ROCK2: variants seen among roughly 807,000 people sequenced by gnomAD.
ROCK2 encodes the protein Rho associated coiled-coil containing protein kinase 2.
ROCK2 carries 61 observed loss-of-function variants against 195.1 expected under a neutral mutation model. The ratio of observed to expected loss-of-function variants is 0.31; its 90% CI spans 0.25 to 0.39. The LOEUF is 0.39. Among genes scored for constraint, ROCK2 ranks in the 10% least tolerant of loss-of-function variants. The pLI is 1.00. For synonymous variants in ROCK2, 504 were observed against 545.5 expected (o/e 0.92, Z 1.06); for missense variants, 1,109 against 1,637.4 (o/e 0.68, Z 5.57).
intron 3 of ROCK2, among the ~76,000 whole-genome samples, chr2:11,283,582 A>AAAAAGGAAGAAAG (rs777307547): frequency 2.0e-4 from 3 of 15,164 alleles, no homozygotes; most frequent in Non-Finnish European, 2.6e-4. Flanking sequence ...AAAAAAAAAA[A>AAAAAGGAAGAAAG]AAAGCAAGAA....
intron 1 of ROCK2, among the ~76,000 whole-genome samples, chr2:11,311,738 T>A (rs1668041032): frequency 6.6e-6 from 1 of 151,738 alleles, no homozygotes; most frequent in African/African-American, 2.4e-5. Flanking sequence ...TAAAATATCA[T>A]AAAATCGAGA....
At chr2:11,267,699 G>A (rs1666466798) in intron 3 of ROCK2, among the ~76,000 whole-genome samples, 1 of 131,250 alleles carries the variant, frequency 7.6e-6, no homozygotes, top group Non-Finnish European at 1.6e-5. Flanking sequence ...CTATCAATAC[G>A]CCTTTTTTTT....
intron 18 of ROCK2, 130 bp from the exon 19 acceptor site, chr2:11,208,577 C>T: frequency 2.3e-6 from 1 of 429,058 alleles, no homozygotes; most frequent in Non-Finnish European, 3.9e-6. Flanking sequence ...GCCTTATATT[C>T]TATTAATTTT....
At position 11,216,180 on chromosome 2, in the gene ROCK2, G is replaced by T; in HGVS notation, c.1439C>A (p.Thr480Lys). 1 of 1,612,552 alleles carries T rather than the reference G, an allele frequency of 6.2e-7. No homozygotes were observed. Among genetic ancestry groups the T allele is most frequent in the Non-Finnish European group, 8.5e-7 (1 of 1,178,756 alleles). ...TACCTCCTCTTCTAGCTCCTTTGCT[G>T]TTTTTTCTAGGCGAGTATTAACAGA... ...CKSVNTRLEK[T>K]AKELEEEITL... The change falls in exon 13 of 33, where the codon ACA becomes AAA. Residue 480 changes from threonine to lysine, a missense_variant. Thr to Lys is a moderately conservative substitution (Grantham distance 78). Around this residue, in one of 6 missense-constraint regions of ROCK2, gnomAD observed 542 missense variants for 672.0 expected, o/e 0.81. Transcript: ENST00000315872.
Position 11,317,591 on chromosome 2 carries a change from TATATATATATATATATATA to T in ROCK2, c.141+26386_141+26404del, listed in dbSNP as rs1243843375. On this transcript the variant is annotated intron_variant, in intron 1 of 32. Transcript: ENST00000315872. ...ATCTACACATTTATATATATATATA[TATATATATATATATATATA>T]TATTTTTTTTTTTTTTTAATTATAC... Among the ~76,000 whole-genome samples, 22 of 13,940 alleles carry T rather than the reference TATATATATATATATATATA, an allele frequency of 1.6e-3. 2 individuals are homozygous for T. The highest frequency in any genetic ancestry group is 4.2e-3 in the African/African-American group (18 of 4,336). The allele number at this position is 13,940 out of a possible 152,430, so 9.1% of individuals were successfully genotyped here.
At chr2:11,339,512 G>A (rs528241807) in intron 1 of ROCK2, among the ~76,000 whole-genome samples, 3 of 144,110 alleles carry the variant, frequency 2.1e-5, no homozygotes, top group African/African-American at 7.7e-5. Context: ...AATGCTCCTA[G>A]CAACACTTTC....
Position 11,198,553 on chromosome 2 carries a change from C to T in ROCK2, c.3037G>A (p.Ala1013Thr), listed in dbSNP as rs372763637. ...TCAAACTGTGCTTTAATAGCTGCTG[C>T]GCTTATTTCTTCATCTTTCAATCTT... ...LSRLKDEEIS[A>T]AAIKAQFEKQ... Residue 1013 changes from alanine to threonine, a missense_variant, in exon 25 of 33, where the codon GCA becomes ACA. By Grantham distance (58) the Ala-to-Thr change is moderately conservative. Transcript: ENST00000315872. 50 of 1,613,124 alleles carry T rather than the reference C, an allele frequency of 3.1e-5. No homozygotes were observed. Among genetic ancestry groups the T allele is most frequent in the East Asian group, 6.7e-5 (3 of 44,788 alleles).
chr2:11,273,453 C>G (rs1666718315), intron 3 of ROCK2, among the ~76,000 whole-genome samples: 1 of 151,918 alleles, frequency 6.6e-6, no homozygotes, highest in Admixed American at 6.5e-5. Context: ...TAAGAAGACA[C>G]AGCAATTACA....
intron 11 of ROCK2, chr2:11,217,391 T>G (rs1181331544): frequency 1.6e-6 from 1 of 615,222 alleles, no homozygotes; most frequent in Non-Finnish European, 3.0e-6. Context: ...TGAAACATAC[T>G]TATGTAACCA....
chr2:11,318,031 G>C (rs752612337), intron 1 of ROCK2, among the ~76,000 whole-genome samples: 6 of 152,006 alleles, frequency 3.9e-5, no homozygotes, highest in Non-Finnish European at 8.8e-5. Context: ...ATTTGGGTTG[G>C]TTCCAAGTCT....
intron 1 of ROCK2, among the ~76,000 whole-genome samples, chr2:11,306,775 C>A (rs1321368523): frequency 1.3e-5 from 2 of 152,166 alleles, no homozygotes; most frequent in African/African-American, 4.8e-5. Context: ...GCTTAGTGAA[C>A]AAACCTATTT....
chr2:11,313,131 A>G (rs1668087004), intron 1 of ROCK2, among the ~76,000 whole-genome samples: 1 of 152,154 alleles, frequency 6.6e-6, no homozygotes, highest in South Asian at 2.1e-4. Flanking sequence ...ACTTCAGTTA[A>G]TAATAATGTA....
At chr2:11,339,156 TTAAA>T (rs1294741419) in intron 1 of ROCK2, among the ~76,000 whole-genome samples, 9 of 152,212 alleles carry the variant, frequency 5.9e-5, no homozygotes, top group South Asian at 4.1e-4. Context: ...CTCTTCTTAA[TTAAA>T]TACATACTGA....
At chr2:11,289,301 A>G (rs746710424) in intron 1 of ROCK2, among the ~76,000 whole-genome samples, 34 of 152,184 alleles carry the variant, frequency 2.2e-4, no homozygotes, top group Non-Finnish European at 1.0e-4. Context: ...CAGCTGGACT[A>G]CTTTTCAAGG....
At chr2:11,320,518 CACT>C (rs35677201) in intron 1 of ROCK2, among the ~76,000 whole-genome samples, 50,309 of 151,766 alleles carry the variant, frequency 0.33, 8,488 homozygotes, top group East Asian at 0.54. Context: ...GCCTTGTCAC[CACT>C]GTGATAAATA....
chr2:11,199,718 G>A (rs920759020), intron 23 of ROCK2, among the ~76,000 whole-genome samples: 2 of 152,134 alleles, frequency 1.3e-5, no homozygotes, highest in South Asian at 2.1e-4. Context: ...TACAAATGAA[G>A]ATCTGATGTA....
At chr2:11,225,820 G>A (rs1245193702) in intron 6 of ROCK2, among the ~76,000 whole-genome samples, 6 of 152,118 alleles carry the variant, frequency 3.9e-5, no homozygotes, top group East Asian at 1.9e-4. Context: ...CATATGATGC[G>A]TACAAACAGA....
chr2:11,338,413 A>G (rs4669713), intron 1 of ROCK2, among the ~76,000 whole-genome samples: 122,909 of 152,018 alleles, frequency 0.81, 51,283 homozygotes, highest in East Asian at 0.99. Flanking sequence ...GAATCCAACC[A>G]TGGATCAAAA....
rs540977953 is a variant in ROCK2 at position 11,338,346 on chromosome 2, C to A, written c.141+5650G>T. On this transcript the variant is annotated intron_variant, in intron 1 of 32. Transcript: ENST00000315872. Reference sequence around the variant, plus strand: ...TGAGCAAGAGAGCAAGATCTTGTCTCCATATTTTAAAAAAATCAAGCCAAA... The same window carrying A: ...TGAGCAAGAGAGCAAGATCTTGTCTACATATTTTAAAAAAATCAAGCCAAA... Among the ~76,000 whole-genome samples, 123 of 152,096 alleles carry A rather than the reference C, an allele frequency of 8.1e-4. 2 individuals are homozygous for A. The highest frequency in any genetic ancestry group is 4.2e-3 in the South Asian group (20 of 4,818).
Sources: gnomAD v4.1 joint callset for allele counts (sites outside exome capture counted in the v4.1 genomes callset) on GRCh38, gnomAD v4.1.1 for gene constraint, gnomAD v4.1.1 regional missense constraint, MANE v1.5 for transcripts, NCBI Gene and HGNC (gene_info 2026-07-23, HGNC 2026-07-21) for gene names.